NIBAN1: variants seen among roughly 807,000 people sequenced by gnomAD.
NIBAN1 encodes niban apoptosis regulator 1, also known as protein Niban 1.
In NIBAN1, 81 loss-of-function variants were observed where a neutral mutation model predicts 75.1. The observed-to-expected ratio is 1.08, with a 90% CI of 0.90 to 1.30. NIBAN1 has a LOEUF of 1.30. Ranked by LOEUF, NIBAN1 falls within the 50% of genes most tolerant of loss-of-function variation. The pLI is 0.00. For synonymous variants in NIBAN1, 436 were observed against 424.8 expected (o/e 1.03, Z -0.32); for missense variants, 1,133 against 1,128.1 (o/e 1.00, Z -0.06).
At chr1:184,906,221 G>T (rs547414717) in intron 1 of NIBAN1, among the ~76,000 whole-genome samples, 6 of 151,890 alleles carry the variant, frequency 4.0e-5, no homozygotes, top group African/African-American at 1.4e-4. Flanking sequence ...TCACACCACT[G>T]CACTCCATCC....
At chr1:184,827,203 T>C (rs1450580697) in intron 6 of NIBAN1, among the ~76,000 whole-genome samples, 1 of 152,126 alleles carries the variant, frequency 6.6e-6, no homozygotes, top group Non-Finnish European at 1.5e-5. Flanking sequence ...TATGTCTTTA[T>C]CAGCAGCATG....
intron 5 of NIBAN1, among the ~76,000 whole-genome samples, chr1:184,855,912 A>C (rs892928906): frequency 6.6e-6 from 1 of 152,192 alleles, no homozygotes; most frequent in Non-Finnish European, 1.5e-5. Context: ...ATCTAGACCC[A>C]TGTTTCTAGC....
intron 12 of NIBAN1, among the ~76,000 whole-genome samples, chr1:184,799,148 C>G (rs946040995): frequency 2.0e-5 from 3 of 152,006 alleles, no homozygotes; most frequent in Non-Finnish European, 4.4e-5. Context: ...CCCACTTACT[C>G]GTCATCTAGC....
At chr1:184,806,696 C>T (rs960142467) in intron 10 of NIBAN1, among the ~76,000 whole-genome samples, 3 of 151,620 alleles carry the variant, frequency 2.0e-5, no homozygotes, top group Non-Finnish European at 2.9e-5. Context: ...CTGCCCATAA[C>T]CTTTATGAAA....
At chr1:184,955,987 T>C (rs1489198540) in intron 1 of NIBAN1, among the ~76,000 whole-genome samples, 1 of 151,870 alleles carries the variant, frequency 6.6e-6, no homozygotes, top group Non-Finnish European at 1.5e-5. Context: ...CTAAGAATCA[T>C]GAAGCCACTA....
chr1:184,913,248 G>T (rs1290952419), intron 1 of NIBAN1, among the ~76,000 whole-genome samples: 1 of 150,964 alleles, frequency 6.6e-6, no homozygotes, highest in Non-Finnish European at 1.5e-5. Flanking sequence ...AAATGCATTT[G>T]TAATTTTTAT....
intron 5 of NIBAN1, among the ~76,000 whole-genome samples, chr1:184,869,023 C>T (rs1656030231): frequency 6.6e-6 from 1 of 152,124 alleles, no homozygotes; most frequent in South Asian, 2.1e-4. Flanking sequence ...CCAGTAGTAT[C>T]AGCATCAGCA....
intron 1 of NIBAN1, among the ~76,000 whole-genome samples, chr1:184,923,139 C>T (rs1009645281): frequency 1.3e-5 from 2 of 152,170 alleles, no homozygotes; most frequent in African/African-American, 4.8e-5. Flanking sequence ...AACCTTTGCT[C>T]CGTCCAATGT....
chr1:184,938,373 C>T (rs2102043997), intron 1 of NIBAN1, among the ~76,000 whole-genome samples: 1 of 152,066 alleles, frequency 6.6e-6, no homozygotes, highest in Non-Finnish European at 1.5e-5. Flanking sequence ...AAGGATGGCT[C>T]CAAGATTCTC....
chr1:184,974,361 G>A lies in NIBAN1; in HGVS notation c.-5C>T, dbSNP rs1659021369. 1.3e-6 allele frequency: 2 copies of A among 1,555,846 alleles called. No individual in the cohort carries two copies. The highest frequency in any genetic ancestry group is 4.8e-5 in the East Asian group (2 of 41,374). ...GCTGGAGGCTGAGCCGCCCATGACC[G>A]CGAGCTGCCTGTGCTGAGCGCGGAA... On this transcript the variant is annotated 5_prime_UTR_variant, in exon 1 of 14. Transcript: ENST00000367511.
In NIBAN1 at chr1:184,795,676, G is replaced by A. The variant is rs1653836078; in HGVS notation, c.2088C>T (p.Ala696=). 3.7e-6 allele frequency: 6 copies of A among 1,614,000 alleles called. No homozygotes were observed. The highest frequency in any genetic ancestry group is 1.7e-5 in the Admixed American group (1 of 59,994). Residue 696 remains alanine (A), a synonymous_variant, in exon 14 of 14, where the codon GCC becomes GCT. Transcript: ENST00000367511. ...FGGTLEDEEP[A]QEEPEPITAS... ...CAGTGATGGGTTCTGGCTCTTCCTG[G>A]GCGGGTTCTTCATCCTCAAGGGTCC...
chr1:184,884,105 G>A (rs534226125), intron 5 of NIBAN1, among the ~76,000 whole-genome samples: 13 of 152,116 alleles, frequency 8.5e-5, no homozygotes, highest in African/African-American at 3.1e-4. Flanking sequence ...CTGCTTCACC[G>A]GGGCCTCCCA....
chr1:184,913,928 G>C (rs908665004), intron 1 of NIBAN1, among the ~76,000 whole-genome samples: 1 of 152,172 alleles, frequency 6.6e-6, no homozygotes, highest in South Asian at 2.1e-4. Context: ...GCTGTCATCT[G>C]TCTGCATTCC....
intron 1 of NIBAN1, among the ~76,000 whole-genome samples, chr1:184,906,280 C>T (rs2101998478): frequency 6.6e-6 from 1 of 150,658 alleles, no homozygotes; most frequent in Non-Finnish European, 1.5e-5. Flanking sequence ...CACACACACA[C>T]ACACACATGC....
intron 1 of NIBAN1, among the ~76,000 whole-genome samples, chr1:184,947,277 G>A (rs1324643710): frequency 6.6e-6 from 1 of 152,104 alleles, no homozygotes; most frequent in Non-Finnish European, 1.5e-5. Context: ...GTAAAAAGGG[G>A]TTTGGCTTCA....
intron 5 of NIBAN1, among the ~76,000 whole-genome samples, chr1:184,872,918 A>G (rs1426539131): frequency 6.6e-6 from 1 of 152,202 alleles, no homozygotes. Flanking sequence ...GGTAAGACAC[A>G]TTCTTGTGAA....
chr1:184,860,914 A>C (rs234669), intron 5 of NIBAN1, among the ~76,000 whole-genome samples: 12,278 of 152,180 alleles, frequency 0.081, 1,134 homozygotes, highest in African/African-American at 0.23. Context: ...ACATTATCAC[A>C]CCCAAGTAAT....
rs959753558 is a variant in NIBAN1, at chr1:184,795,775, G to A, written c.1989C>T (p.Pro663=). Residue 663 remains proline, a synonymous_variant, in exon 14 of 14, where the codon CCC becomes CCT. Coordinates refer to ENST00000367511, the MANE Select transcript of NIBAN1 (RefSeq NM_052966.4). ...CCTCTGTTGCCACAGGATTCACCAC[G>A]GGGTCATCCACTCTTGAAATAATCA... ...EQVIISRVDD[P]VVNPVATEDT... is the part of the protein sequence containing the mutation. The A allele has an allele frequency of 3.1e-6, 5 of 1,611,646 alleles. No homozygotes were observed. The East Asian group carries it at 6.7e-5, about 22-fold the overall frequency.
chr1:184,968,931 A>G (rs999577791), intron 1 of NIBAN1, among the ~76,000 whole-genome samples: 2 of 152,176 alleles, frequency 1.3e-5, no homozygotes, highest in Non-Finnish European at 2.9e-5. Context: ...CTCCTTCTTG[A>G]AAGGACACCT....
Sources: allele counts gnomAD v4.1 joint callset (sites outside exome capture counted in the v4.1 genomes callset), GRCh38; gene constraint gnomAD v4.1.1; transcripts MANE v1.5; gene names NCBI Gene and HGNC (gene_info 2026-07-23, HGNC 2026-07-21).